AAK1: variants seen among roughly 807,000 people sequenced by gnomAD.
AAK1 encodes AP2 associated kinase 1, also known as AP2-associated protein kinase 1.
Under a neutral mutation model 116.0 loss-of-function variants are expected in AAK1, and 37 were observed. The observed-to-expected ratio is 0.32, with a 90% CI of 0.25 to 0.42. The LOEUF is 0.42. Among genes scored for constraint, AAK1 ranks in the 10% least tolerant of loss-of-function variants. AAK1 has a pLI of 1.00. For synonymous variants in AAK1, 458 were observed against 439.9 expected (o/e 1.04, Z -0.51); for missense variants, 919 against 1,170.6 (o/e 0.79, Z 3.14).
rs148323049 is a variant in AAK1 at position 69,465,650 on chromosome 2, G to A, written c.*10219C>T. On this transcript the variant is annotated 3_prime_UTR_variant, in exon 22 of 22. Coordinates refer to ENST00000409085, the MANE Select transcript of AAK1 (RefSeq NM_014911.5). ...AATACTTGGATAAGGACTGGGGGCG[G>A]AATGGTTTGCCAGCCATGGGGCCTG... 39 of 1,290,980 alleles carry A rather than the reference G, an allele frequency of 3.0e-5. No individual in the cohort carries two copies. The East Asian group carries it at 2.2e-3, about 72-fold the overall frequency. The allele number at this position is 1,290,980 out of a possible 1,614,324, so 80.0% of individuals were successfully genotyped here.
Position 69,612,387 on chromosome 2 carries a change from G to A in AAK1, c.163+30491C>T, listed in dbSNP as rs543152293. ...TGTGGCAAGTTGCTTAAACTTTCTCGGAAGTAAAATGAGGTAACAGTAGGG... is the reference window on the plus strand; with the variant it reads ...TGTGGCAAGTTGCTTAAACTTTCTCAGAAGTAAAATGAGGTAACAGTAGGG... On this transcript the variant is annotated intron_variant, in intron 2 of 21. Coordinates refer to ENST00000409085, the MANE Select transcript of AAK1 (RefSeq NM_014911.5). Among the ~76,000 whole-genome samples the A allele has an allele frequency of 2.4e-4, 37 of 152,260 alleles. 1 individual carries two copies. In the South Asian group the frequency reaches 4.4e-3, roughly 18 times the overall value.
chr2:69,570,294 T>C (rs1672042220), intron 2 of AAK1, among the ~76,000 whole-genome samples: 1 of 151,636 alleles, frequency 6.6e-6, no homozygotes, highest in Non-Finnish European at 1.5e-5. Context: ...GTCTCAGTCT[T>C]CTGCTTGACA....
intron 2 of AAK1, among the ~76,000 whole-genome samples, chr2:69,612,069 G>A (rs982206298): frequency 6.6e-6 from 1 of 152,170 alleles, no homozygotes; most frequent in South Asian, 2.1e-4. Context: ...TTCTGGAGAT[G>A]GATGGTGGTC....
At chr2:69,535,345 G>A (rs1056269732) in intron 5 of AAK1, among the ~76,000 whole-genome samples, 10 of 152,030 alleles carry the variant, frequency 6.6e-5, no homozygotes, top group East Asian at 1.9e-4. Context: ...CACCCATTAC[G>A]TACCCACAAA....
Position 69,468,477 on chromosome 2 carries a change from C to A in AAK1, c.*7392G>T. On this transcript the variant is annotated 3_prime_UTR_variant, in exon 22 of 22. Coordinates refer to ENST00000409085, the MANE Select transcript of AAK1 (RefSeq NM_014911.5). ...CCAAAACAAAAGCACAATTTCTCAT[C>A]TTCCAAAACTACCTTGAAAGTTGAT... The A allele has an allele frequency of 1.0e-6, 1 of 985,432 alleles. No homozygotes were observed. The highest frequency in any genetic ancestry group is 1.2e-6 in the Non-Finnish European group (1 of 829,930). The allele number at this position is 985,432 out of a possible 1,614,324, so 61.0% of individuals were successfully genotyped here.
chr2:69,477,619 G>GC (rs1360420608), intron 20 of AAK1, among the ~76,000 whole-genome samples: 2 of 152,194 alleles, frequency 1.3e-5, no homozygotes, highest in African/African-American at 4.8e-5. Context: ...CTAACAGCAA[G>GC]CAAGTGCTGG....
Position 69,505,686 on chromosome 2 carries a change from A to G in AAK1, c.2165-13T>C. ...TCGGGATGTTTGCCTGGAGAGACAA[A>G]ACACCACTCAGTTCATTCTAGCAGA... On this transcript the variant is annotated splice_polypyrimidine_tract_variant and intron_variant, in intron 15 of 21. Transcript: ENST00000409085. 6.2e-7 allele frequency: 1 copy of G among 1,604,670 alleles called. No individual in the cohort carries two copies. Among genetic ancestry groups the G allele is most frequent in the Non-Finnish European group, 8.5e-7 (1 of 1,172,036 alleles).
At chr2:69,576,342 C>T (rs527671556) in intron 2 of AAK1, among the ~76,000 whole-genome samples, 35 of 149,082 alleles carry the variant, frequency 2.3e-4, no homozygotes, top group African/African-American at 8.6e-4. Context: ...TTTTTTTTTT[C>T]TAACTTTTAT....
chr2:69,470,160 CT>C lies in AAK1; in HGVS notation c.*5708del, dbSNP rs1674627659. The C allele has an allele frequency of 1.0e-6, 1 of 985,422 alleles. No homozygotes were observed. Among genetic ancestry groups the C allele is most frequent in the African/African-American group, 1.7e-5 (1 of 57,362 alleles). 61.0% of individuals were successfully genotyped at this position (985,422 alleles called of 1,614,324 possible). On this transcript the variant is annotated 3_prime_UTR_variant, in exon 22 of 22. Coordinates refer to ENST00000409085, the MANE Select transcript of AAK1 (RefSeq NM_014911.5). ...TACATCACACAACACCAGAAGTTTA[CT>C]TTTCCTCATACCAAAAACTGAAAGA...
intron 2 of AAK1, among the ~76,000 whole-genome samples, chr2:69,571,187 G>C (rs1424391426): frequency 6.6e-6 from 1 of 152,220 alleles, no homozygotes; most frequent in South Asian, 2.1e-4. Context: ...GATTAGAGAT[G>C]TATTATGTCA....
intron 17 of AAK1, among the ~76,000 whole-genome samples, chr2:69,484,921 AAAGG>A (rs1434484206): frequency 6.6e-6 from 1 of 151,954 alleles, no homozygotes; most frequent in Non-Finnish European, 1.5e-5. Flanking sequence ...GAAGGAAAAA[AAAGG>A]AAGTTTTTCA....
chr2:69,549,527 T>C (rs1014898503), intron 3 of AAK1, among the ~76,000 whole-genome samples: 2 of 152,222 alleles, frequency 1.3e-5, no homozygotes, highest in Admixed American at 6.5e-5. Context: ...CTCTGCTACA[T>C]TCTTTTTATA....
intron 2 of AAK1, among the ~76,000 whole-genome samples, chr2:69,601,762 T>C (rs553811714): frequency 1.3e-5 from 2 of 152,238 alleles, no homozygotes; most frequent in Non-Finnish European, 2.9e-5. Context: ...TAGAGTCTAT[T>C]CACTTTGCAT....
rs1674289425 is a variant in AAK1 at position 69,459,489 on chromosome 2, C to T, written c.*16380G>A. 6.6e-6 allele frequency: 1 copy of T among 152,270 alleles called. No homozygotes were observed. The highest frequency in any genetic ancestry group is 2.4e-5 in the African/African-American group (1 of 41,418). The allele number at this position is 152,270 out of a possible 1,614,324, so 9.4% of individuals were successfully genotyped here. ...ATGTTGCCCAGGTTGGTCTTGAACT[C>T]ATGAGCTCAAGCGATCGGCCCAACA... On this transcript the variant is annotated 3_prime_UTR_variant, in exon 22 of 22. Transcript: ENST00000409085.
chr2:69,527,300 G>T lies in AAK1; in HGVS notation c.891C>A (p.Asp297Glu). The change falls in exon 9 of 22, where the codon GAC becomes GAA. Residue 297 changes from aspartate to glutamate, a missense_variant. Asp to Glu is a conservative substitution (Grantham distance 45). Coordinates refer to ENST00000409085, the MANE Select transcript of AAK1 (RefSeq NM_014911.5). Reference sequence around the variant, plus strand: ...GGTAAATATCCGGCCTTTTGTCAGGGTCTGGTTCCAACATATACCCTAAGG... The same window carrying T: ...GGTAAATATCCGGCCTTTTGTCAGGTTCTGGTTCCAACATATACCCTAAGG... ...HCLIRYMLEP[D>E]PDKRPDIYQV... 1 of 1,606,176 alleles carries T rather than the reference G, an allele frequency of 6.2e-7. No individual in the cohort carries two copies. Among genetic ancestry groups the T allele is most frequent in the Non-Finnish European group, 8.5e-7 (1 of 1,175,530 alleles).
At chr2:69,547,928 G>C (rs547592747) in intron 3 of AAK1, among the ~76,000 whole-genome samples, 1 of 152,274 alleles carries the variant, frequency 6.6e-6, no homozygotes, top group East Asian at 1.9e-4. Context: ...ATTGATACAT[G>C]CTATGACATG....
At chr2:69,557,477 C>CT (rs1391866833) in intron 2 of AAK1, among the ~76,000 whole-genome samples, 1 of 151,920 alleles carries the variant, frequency 6.6e-6, no homozygotes, top group Non-Finnish European at 1.5e-5. Flanking sequence ...AATTTTTATA[C>CT]TTTTTTGTAG....
At chr2:69,491,057 C>A (rs1675501546) in intron 17 of AAK1, among the ~76,000 whole-genome samples, 1 of 152,100 alleles carries the variant, frequency 6.6e-6, no homozygotes, top group South Asian at 2.1e-4. Flanking sequence ...CTGCCTCAGC[C>A]TCCCAAGTAG....
At chr2:69,581,786 G>A (rs532133943) in intron 2 of AAK1, among the ~76,000 whole-genome samples, 6 of 152,204 alleles carry the variant, frequency 3.9e-5, no homozygotes, top group African/African-American at 1.4e-4. Context: ...AGACCGGCCT[G>A]GGCAACACAG....
Sources: gnomAD v4.1 joint callset for allele counts (sites outside exome capture counted in the v4.1 genomes callset) on GRCh38, gnomAD v4.1.1 for gene constraint, MANE v1.5 for transcripts, NCBI Gene and HGNC (gene_info 2026-07-23, HGNC 2026-07-21) for gene names.